ZDHHC8: variants seen among roughly 807,000 people sequenced by gnomAD.
ZDHHC8 encodes the protein palmitoyltransferase ZDHHC8.
In ZDHHC8, 24 loss-of-function variants were observed where a neutral mutation model predicts 61.2. That is an observed-to-expected ratio of 0.39 (90% CI 0.28 to 0.55). The LOEUF (loss-of-function observed/expected upper bound fraction) is 0.55, where lower values mean the gene tolerates loss of function less well. ZDHHC8 is among the 20% of genes least tolerant of loss of function. ZDHHC8 has a pLI of 0.60. For missense variants in ZDHHC8, 935 were observed against 1,102.1 expected, an observed-to-expected ratio of 0.85 and a Z score of 2.15; for synonymous variants, 523 against 492.5, an observed-to-expected ratio of 1.06 and a Z score of -0.82.
At position 20,142,833 on chromosome 22, in the gene ZDHHC8, C is replaced by T; in HGVS notation, c.1203C>T (p.Asp401=). 1.2e-6 allele frequency: 2 copies of T among 1,612,764 alleles called. No homozygotes were observed. The highest frequency in any genetic ancestry group is 1.7e-6 in the Non-Finnish European group (2 of 1,179,960). The change falls in exon 10 of 11, where the codon GAC becomes GAT. Residue 401 remains aspartate (D), a synonymous_variant. Coordinates refer to ENST00000334554, the MANE Select transcript of ZDHHC8 (RefSeq NM_013373.4). ...SLDFVSEPSL[D]LPDYGPGGLH... is the part of the protein sequence containing the mutation. ...ACTTTGTGTCCGAGCCGAGCCTGGA[C>T]CTCCCTGACTATGGGCCAGGGGGCC...
In ZDHHC8 at chr22:20,132,012, C is replaced by T. The variant is rs144916918; in HGVS notation, c.65C>T (p.Ala22Val). 1.7e-5 allele frequency: 24 copies of T among 1,390,580 alleles called. No individual in the cohort carries two copies. The Admixed American group carries it at 3.9e-4, about 22-fold the overall frequency. 86.1% of individuals were successfully genotyped at this position (1,390,580 alleles called of 1,614,324 possible). ...AKYIPVATAA[A>V]LLVGSSTLFF... ...TACATCCCGGTGGCCACGGCCGCCG[C>T]GCTGCTGGTCGGCTCCAGCACCCTC... Residue 22 changes from alanine to valine, a missense_variant, in exon 1 of 11, where the codon GCG (alanine) becomes GTG (valine). Ala to Val is a moderately conservative substitution (Grantham distance 64). This residue lies in a region of ZDHHC8 where 44 missense variants were observed against 36.6 expected (regional missense o/e 1.20). Coordinates refer to ENST00000334554, the MANE Select transcript of ZDHHC8 (RefSeq NM_013373.4).
Position 20,145,369 on chromosome 22 carries a change from TG to T in ZDHHC8, c.2270del (p.Gly757ValfsTer12). On this transcript the variant is annotated frameshift_variant, in exon 11 of 11. Transcript: ENST00000334554. LOFTEE classifies it high-confidence loss of function. ...ACGCTGGTTAAGAAGGTGTCCGGCG[TG>T]GGTGGGACCACCTACGAGATCTCGG... ...RHTLVKKVSG[V>X]GGTTYEISV is the part of the protein sequence containing the mutation. 6.4e-7 allele frequency: 1 copy of T among 1,570,214 alleles called. No individual in the cohort carries two copies. Among genetic ancestry groups the T allele is most frequent in the Non-Finnish European group, 8.6e-7 (1 of 1,159,128 alleles).
In ZDHHC8 at chr22:20,143,099, G is replaced by T. The variant is rs1205090421; in HGVS notation, c.1469G>T (p.Gly490Val). The T allele has an allele frequency of 6.2e-7, 1 of 1,612,350 alleles. No homozygotes were observed. Residue 490 changes from glycine to valine, a missense_variant, in exon 10 of 11, where the codon GGC becomes GTC. Transcript: ENST00000334554. Reference sequence around the variant, plus strand: ...CTGCTCAATCCTGGCTCGCCTGGTGGCCACGCCTGCCCTGCCCACCCAGCA... The same window carrying T: ...CTGCTCAATCCTGGCTCGCCTGGTGTCCACGCCTGCCCTGCCCACCCAGCA... ...DSLLNPGSPG[G>V]HACPAHPAVG...
chr22:20,143,529 C>T lies in ZDHHC8; in HGVS notation c.1899C>T (p.Ser633=), dbSNP rs376730623. The change falls in exon 10 of 11, where the codon AGC becomes AGT. Residue 633 remains serine (S), a synonymous_variant. Coordinates refer to ENST00000334554, the MANE Select transcript of ZDHHC8 (RefSeq NM_013373.4). ...AGACGTCACTGTCCTCGCTGTCCAG[C>T]TCCGTGAGCCGTGCACCGCGGACGT... The part of the protein sequence containing the change: ...ALQTSLSSLS[S]SVSRAPRTSS... The T allele has an allele frequency of 1.3e-6, 2 of 1,598,748 alleles. No homozygotes were observed. Among genetic ancestry groups the T allele is most frequent in the Non-Finnish European group, 1.7e-6 (2 of 1,177,324 alleles).
At position 20,146,807 on chromosome 22, in the gene ZDHHC8, G is replaced by T. The variant is rs528183895; in HGVS notation, c.*1407G>T. 139 of 1,242,612 alleles carry T rather than the reference G, an allele frequency of 1.1e-4. 2 individuals are homozygous for T. In the South Asian group the frequency reaches 4.4e-3, roughly 40 times the overall value. The allele number at this position is 1,242,612 out of a possible 1,614,324, so 77.0% of individuals were successfully genotyped here. The stretch of plus-strand genomic sequence containing the variant: ...GGGGGTGCATAGGGGCCACCTGTTG[G>T]CTCAGGGCCCTGTGGGGGCCGCTGA... On this transcript the variant is annotated 3_prime_UTR_variant, in exon 11 of 11. Coordinates refer to ENST00000334554, the MANE Select transcript of ZDHHC8 (RefSeq NM_013373.4).
At chr22:20,144,973 C>T (rs543841903) in intron 10 of ZDHHC8, among the ~76,000 whole-genome samples, 7 of 152,224 alleles carry the variant, frequency 4.6e-5, no homozygotes, top group South Asian at 2.1e-4. Context: ...CCCAGGGACT[C>T]GGGAGGGTGG....
In ZDHHC8 at chr22:20,146,286, TGCGGTGCTC is replaced by T; in HGVS notation, c.*890_*898del. 3.0e-6 allele frequency: 3 copies of T among 985,572 alleles called. No individual in the cohort carries two copies. Among genetic ancestry groups the T allele is most frequent in the Non-Finnish European group, 3.6e-6 (3 of 829,928 alleles). 61.1% of individuals were successfully genotyped at this position (985,572 alleles called of 1,614,324 possible). ...GCCACGTCCGCAGCCCCGGCCTGGC[TGCGGTGCTC>T]GCGCCGTGGGAAAGCACACTGGGGA... On this transcript the variant is annotated 3_prime_UTR_variant, in exon 11 of 11. Coordinates refer to ENST00000334554, the MANE Select transcript of ZDHHC8 (RefSeq NM_013373.4).
intron 1 of ZDHHC8, 117 bp downstream of exon 1, chr22:20,132,168 G>C (rs892716689): frequency 1.9e-6 from 1 of 521,564 alleles, no homozygotes; most frequent in Non-Finnish European, 2.6e-6. Flanking sequence ...GGCGGGCGGG[G>C]CGCCGGCTGC....
At position 20,143,186 on chromosome 22, in the gene ZDHHC8, G is replaced by A. The variant is rs745914692; in HGVS notation, c.1556G>A (p.Arg519Gln). The A allele has an allele frequency of 1.1e-5, 17 of 1,609,730 alleles. No individual in the cohort carries two copies. Among genetic ancestry groups the A allele is most frequent in the African/African-American group, 6.7e-5 (5 of 74,904 alleles). ...LHPGATGDPP[R>Q]PLPRSFSPVL... ...CCTGGGGCAACGGGCGACCCGCCAC[G>A]GCCCCTACCCCGCAGCTTCAGCCCC... The change falls in exon 10 of 11, where the codon CGG becomes CAG. Residue 519 changes from arginine to glutamine, a missense_variant. Physicochemically the swap from Arg to Gln is conservative, Grantham distance 43. Around this residue, in one of 3 missense-constraint regions of ZDHHC8, gnomAD observed 692 missense variants for 731.4 expected, o/e 0.95. Transcript: ENST00000334554.
In ZDHHC8 at chr22:20,140,644, A is replaced by C; in HGVS notation, c.688A>C (p.Asn230His). The change falls in exon 6 of 11, where the codon AAC (asparagine) becomes CAC (histidine). Residue 230 changes from asparagine (N) to histidine (H), a missense_variant. This residue lies in a region of ZDHHC8 where 199 missense variants were observed against 334.0 expected (regional missense o/e 0.60). Coordinates refer to ENST00000334554, the MANE Select transcript of ZDHHC8 (RefSeq NM_013373.4). ...QVTGKFRGGV[N>H]PFTRGCCGNV... ...GACTGGGAAGTTCCGCGGGGGTGTG[A>C]ACCCTTTCACCCGAGGCTGCTGTGG... is the stretch of plus-strand genomic sequence containing the variant. 6.2e-7 allele frequency: 1 copy of C among 1,611,230 alleles called. No individual in the cohort carries two copies. Among genetic ancestry groups the C allele is most frequent in the Non-Finnish European group, 8.5e-7 (1 of 1,179,338 alleles).
chr22:20,147,949 T>A lies in ZDHHC8; in HGVS notation c.*2549T>A, dbSNP rs1441723405. The A allele has an allele frequency of 6.6e-6, 1 of 152,362 alleles. No homozygotes were observed. The highest frequency in any genetic ancestry group is 1.5e-5 in the Non-Finnish European group (1 of 68,138). 9.4% of individuals were successfully genotyped at this position (152,362 alleles called of 1,614,324 possible). A position where few individuals can be genotyped will look rare whatever the true frequency, so the allele number is the denominator to read the frequency against. On this transcript the variant is annotated 3_prime_UTR_variant, in exon 11 of 11. Coordinates refer to ENST00000334554, the MANE Select transcript of ZDHHC8 (RefSeq NM_013373.4). ...GAGAAAGCCACAAAACCATTCTCTA[T>A]TGTTCTTAAGGGTACCCCTGCTAAT... is the stretch of plus-strand genomic sequence containing the variant.
At chr22:20,137,097 C>G (rs1348160438) in intron 1 of ZDHHC8, among the ~76,000 whole-genome samples, 1 of 152,232 alleles carries the variant, frequency 6.6e-6, no homozygotes, top group East Asian at 1.9e-4. Flanking sequence ...CCACAACAAG[C>G]CTCCCCAACC....
intron 5 of ZDHHC8, 162 bp downstream of exon 5, chr22:20,140,379 C>A: frequency 1.2e-6 from 1 of 803,522 alleles, no homozygotes; most frequent in Non-Finnish European, 1.9e-6. Flanking sequence ...ACGCCTGCCC[C>A]GTCCCCTGCG....
At position 20,139,772 on chromosome 22, in the gene ZDHHC8, A is replaced by G; in HGVS notation, c.437A>G (p.Tyr146Cys). The change falls in exon 4 of 11, where the codon TAT becomes TGT. Residue 146 changes from tyrosine to cysteine, a missense_variant. Tyr to Cys is a radical substitution (Grantham distance 194, BLOSUM62 -2). Transcript: ENST00000334554. ...AACAACTGCATCGGGCGTCGAAACTATCGCTACTTCTTCCTGTTCCTGCTG... is the reference window on the plus strand; with the variant it reads ...AACAACTGCATCGGGCGTCGAAACTGTCGCTACTTCTTCCTGTTCCTGCTG... Reference protein sequence around the residue: ...WVNNCIGRRNYRYFFLFLLSL... With the variant: ...WVNNCIGRRNCRYFFLFLLSL... The G allele has an allele frequency of 6.2e-7, 1 of 1,613,168 alleles. No individual in the cohort carries two copies. The highest frequency in any genetic ancestry group is 1.1e-5 in the South Asian group (1 of 91,080).
intron 10 of ZDHHC8, 124 bp downstream of exon 10, chr22:20,143,880 G>A: frequency 7.9e-7 from 1 of 1,271,140 alleles, no homozygotes; most frequent in South Asian, 1.6e-5. Context: ...CTGGGGACGG[G>A]ACAGGGAGGA....
chr22:20,132,966 A>G (rs954310166), intron 1 of ZDHHC8, among the ~76,000 whole-genome samples: 3 of 152,144 alleles, frequency 2.0e-5, no homozygotes, highest in Non-Finnish European at 4.4e-5. Flanking sequence ...GGCACGAACG[A>G]TGGCCACCTG....
intron 5 of ZDHHC8, 97 bp from the exon 6 acceptor site, chr22:20,140,520 T>C: frequency 7.7e-7 from 1 of 1,291,986 alleles, no homozygotes; most frequent in East Asian, 2.5e-5. Flanking sequence ...CCCGCAAGTA[T>C]CAGCTTCTAA....
rs2050545938 is a variant in ZDHHC8 at position 20,147,905 on chromosome 22, A to G, written c.*2505A>G. 6.6e-6 allele frequency: 1 copy of G among 152,312 alleles called. No homozygotes were observed. The highest frequency in any genetic ancestry group is 1.5e-5 in the Non-Finnish European group (1 of 68,096). 9.4% of individuals were successfully genotyped at this position (152,312 alleles called of 1,614,324 possible). ...TGGGTCCACCCTGGGCTGTGGCTCT[A>G]CATCTCCCATTTGGGGACGAGAAAG... is the stretch of plus-strand genomic sequence containing the variant. On this transcript the variant is annotated 3_prime_UTR_variant, in exon 11 of 11. Coordinates refer to ENST00000334554, the MANE Select transcript of ZDHHC8 (RefSeq NM_013373.4).
At position 20,146,456 on chromosome 22, in the gene ZDHHC8, T is replaced by C. The variant is rs1296583468; in HGVS notation, c.*1056T>C. 4 of 985,604 alleles carry C rather than the reference T, an allele frequency of 4.1e-6. No homozygotes were observed. The highest frequency in any genetic ancestry group is 4.8e-6 in the Non-Finnish European group (4 of 830,112). The allele number at this position is 985,604 out of a possible 1,614,324, so 61.1% of individuals were successfully genotyped here. A position where few individuals can be genotyped will look rare whatever the true frequency, so the allele number is the denominator to read the frequency against. Reference sequence around the variant, plus strand: ...TTATTAAAAAAAAGAAAAAGAGTTATTTTGATTCTTTCCTTGGGCAAGGCC... The same window carrying C: ...TTATTAAAAAAAAGAAAAAGAGTTACTTTGATTCTTTCCTTGGGCAAGGCC... On this transcript the variant is annotated 3_prime_UTR_variant, in exon 11 of 11. Transcript: ENST00000334554.
Sources: allele counts gnomAD v4.1 joint callset (sites outside exome capture counted in the v4.1 genomes callset), GRCh38; gene constraint gnomAD v4.1.1; regional missense constraint gnomAD v4.1.1; transcripts MANE v1.5; gene names NCBI Gene and HGNC (gene_info 2026-07-23, HGNC 2026-07-21).